Variants in RIPOR2 observed in about 807,000 individuals in gnomAD.
RIPOR2 encodes the protein RHO family interacting cell polarization regulator 2.
In RIPOR2, 39 loss-of-function variants were observed where a neutral mutation model predicts 114.5. That is an observed-to-expected ratio of 0.34 (90% CI 0.26 to 0.44). The LOEUF is 0.44. RIPOR2 is among the 20% of genes least tolerant of loss of function. The pLI is 1.00. For missense variants in RIPOR2, 1,007 were observed against 1,255.1 expected (o/e 0.80, Z 2.99); for synonymous variants, 445 against 484.4 (o/e 0.92, Z 1.07).
chr6:25,034,310 TG>T (rs965440836), intron 1 of RIPOR2, among the ~76,000 whole-genome samples: 43 of 19,614 alleles, frequency 2.2e-3, no homozygotes, highest in Middle Eastern at 0.042. Context: ...TGACAACTGT[TG>T]GGGGGGTGGG....
At chr6:24,863,334 A>C (rs2113841005) in intron 7 of RIPOR2, among the ~76,000 whole-genome samples, 1 of 152,292 alleles carries the variant, frequency 6.6e-6, no homozygotes, top group African/African-American at 2.4e-5. Flanking sequence ...AAGGCAGTTT[A>C]AATTGCACTC....
chr6:25,017,786 G>A (rs1776086990), intron 1 of RIPOR2, among the ~76,000 whole-genome samples: 1 of 152,228 alleles, frequency 6.6e-6, no homozygotes, highest in South Asian at 2.1e-4. Flanking sequence ...TGGGAATGCA[G>A]GAATCAGCAA....
intron 17 of RIPOR2, among the ~76,000 whole-genome samples, chr6:24,828,725 T>C (rs1375691975): frequency 6.6e-6 from 1 of 151,352 alleles, no homozygotes; most frequent in Non-Finnish European, 1.5e-5. Flanking sequence ...ATTATATATG[T>C]GTGTGTAGGA....
rs1028774111 is a variant in RIPOR2, at chr6:24,883,069, C to T, written c.62-7252G>A. ...GACATCAAACATCATGAAATTAAAA[C>T]GAAAATACAATAGCTAGATGCTACT... is the stretch of plus-strand genomic sequence containing the variant. On this transcript the variant is annotated intron_variant, in intron 1 of 21. Coordinates refer to ENST00000643898, the MANE Select transcript of RIPOR2 (RefSeq NM_001286445.3). This position sits in a 1 kb window ranked among gnomAD's most constrained non-coding sequence, Gnocchi z 4.1. Among the ~76,000 whole-genome samples the T allele has an allele frequency of 5.9e-5, 9 of 152,182 alleles. No individual in the cohort carries two copies. The South Asian group carries it at 6.2e-4, about 10-fold the overall frequency.
At chr6:24,984,700 C>T (rs1774461007) in intron 1 of RIPOR2, among the ~76,000 whole-genome samples, 1 of 151,706 alleles carries the variant, frequency 6.6e-6, no homozygotes, top group African/African-American at 2.4e-5. Flanking sequence ...TGTATCTGGC[C>T]CCACAATAAA....
upstream of RIPOR2, among the ~76,000 whole-genome samples, chr6:24,940,492 G>A (rs983854090): frequency 2.0e-5 from 3 of 152,102 alleles, no homozygotes; most frequent in African/African-American, 7.2e-5. Context: ...AAACTGTGAG[G>A]AGTGGTAGGA....
In RIPOR2 at chr6:25,029,011, G is replaced by A. The variant is rs76303770; in HGVS notation, c.76+12840C>T. Among the ~76,000 whole-genome samples the A allele has an allele frequency of 7.0e-4, 106 of 152,300 alleles. No homozygotes were observed. In the East Asian group the frequency reaches 0.019, roughly 28 times the overall value. Reference sequence around the variant, plus strand: ...TGCCCTCAAAGAAATGACGAGGGCCGGGTATGGTGGCTCACGCCTGTAATC... The same window carrying A: ...TGCCCTCAAAGAAATGACGAGGGCCAGGTATGGTGGCTCACGCCTGTAATC... On this transcript the variant is annotated intron_variant, in intron 1 of 13. Coordinates refer to the RIPOR2 transcript ENST00000510784.
chr6:24,936,186 C>A, upstream of RIPOR2: 1 of 289,264 alleles, frequency 3.5e-6, no homozygotes, highest in Non-Finnish European at 6.4e-6. Context: ...AGTCTGAATG[C>A]AATGAATTCT....
intron 1 of RIPOR2, among the ~76,000 whole-genome samples, chr6:24,899,569 T>A (rs900514446): frequency 6.6e-5 from 10 of 152,202 alleles, no homozygotes; most frequent in African/African-American, 1.4e-4. Context: ...CGCTATTCAT[T>A]TTCCTTCAAC....
At chr6:25,023,602 G>C in intron 1 of RIPOR2, 1 of 765,074 alleles carries the variant, frequency 1.3e-6, no homozygotes, top group South Asian at 1.3e-5. Context: ...TGAAGGCCTT[G>C]ATGTCTAAAT....
chr6:24,989,381 C>T (rs907425080), intron 1 of RIPOR2, among the ~76,000 whole-genome samples: 9 of 151,580 alleles, frequency 5.9e-5, no homozygotes, highest in African/African-American at 1.7e-4. Flanking sequence ...CTGCAACCTC[C>T]GCCTCCTGGG....
intron 1 of RIPOR2, among the ~76,000 whole-genome samples, chr6:25,005,758 G>T (rs1301071539): frequency 2.0e-4 from 19 of 93,482 alleles, no homozygotes; most frequent in African/African-American, 5.8e-4. Context: ...CCGATCAAAA[G>T]ATATGCCATT....
At chr6:24,827,173 C>T (rs1229408185) in intron 18 of RIPOR2, among the ~76,000 whole-genome samples, 1 of 152,074 alleles carries the variant, frequency 6.6e-6, no homozygotes, top group Non-Finnish European at 1.5e-5. Flanking sequence ...CTTTGTGGTC[C>T]TAAAACAAGG....
chr6:25,033,155 C>T (rs1371709821), intron 1 of RIPOR2, among the ~76,000 whole-genome samples: 1 of 151,788 alleles, frequency 6.6e-6, no homozygotes, highest in Admixed American at 6.6e-5. Flanking sequence ...AGTGAGGCTC[C>T]AGTGAGCCGC....
chr6:25,034,525 AT>A (rs1179182177), intron 1 of RIPOR2, among the ~76,000 whole-genome samples: 2 of 152,050 alleles, frequency 1.3e-5, no homozygotes, highest in Non-Finnish European at 2.9e-5. Context: ...TTCTGAGAAA[AT>A]TTGCTATTCT....
intron 1 of RIPOR2, among the ~76,000 whole-genome samples, chr6:25,040,119 A>AC (rs1255446165): frequency 8.4e-6 from 1 of 119,362 alleles, no homozygotes; most frequent in East Asian, 2.4e-4. Context: ...ATAGACTTCT[A>AC]CTTTTTTTTT....
chr6:24,943,808 C>G (rs552584115), intron 1 of RIPOR2, among the ~76,000 whole-genome samples: 7 of 151,988 alleles, frequency 4.6e-5, no homozygotes, highest in African/African-American at 1.5e-4. Flanking sequence ...CCCATTCCCC[C>G]CAAAGTCCCA....
intron 1 of RIPOR2, among the ~76,000 whole-genome samples, chr6:24,945,997 T>C (rs1772384872): frequency 6.6e-6 from 1 of 152,142 alleles, no homozygotes; most frequent in Non-Finnish European, 1.5e-5. Flanking sequence ...AAAGTCAACC[T>C]CACTCATCTC....
chr6:24,889,859 A>G (rs1318028119), intron 1 of RIPOR2, among the ~76,000 whole-genome samples: 1 of 152,080 alleles, frequency 6.6e-6, no homozygotes, highest in Non-Finnish European at 1.5e-5. Flanking sequence ...CATCAAAAAG[A>G]TACCTGCACC....
Sources: allele counts gnomAD v4.1 joint callset (sites outside exome capture counted in the v4.1 genomes callset), GRCh38; gene constraint gnomAD v4.1.1; non-coding constraint Gnocchi (gnomAD v3.1); transcripts MANE v1.5; gene names NCBI Gene and HGNC (gene_info 2026-07-23, HGNC 2026-07-21).